SPPL3: variants seen among roughly 807,000 people sequenced by gnomAD.
The protein encoded by SPPL3 is signal peptide peptidase like 3.
A neutral mutation model predicts 42.4 loss-of-function variants in SPPL3; 5 were observed. The observed-to-expected ratio is 0.12, with a 90% CI of 0.06 to 0.25. SPPL3 has a LOEUF of 0.25. Ranked by LOEUF, SPPL3 falls within the 10% of genes least tolerant of loss-of-function variation. The pLI, the probability that SPPL3 is intolerant of heterozygous loss-of-function variation, is 1.00. For synonymous variants in SPPL3, 195 were observed against 181.8 expected (o/e 1.07, Z -0.58); for missense variants, 235 against 489.0 (o/e 0.48, Z 4.90).
Position 120,768,619 on chromosome 12 carries a change from T to C in SPPL3, c.610-131A>G, listed in dbSNP as rs147694198. ...CAATGCTTTCGTTGACTGTATGATTTGAGAAAATCTTTGCTCTTCCTGTGT... is the reference window on the plus strand; with the variant it reads ...CAATGCTTTCGTTGACTGTATGATTCGAGAAAATCTTTGCTCTTCCTGTGT... On this transcript the variant is annotated intron_variant, in intron 7 of 10. Coordinates refer to ENST00000353487, the MANE Select transcript of SPPL3 (RefSeq NM_139015.5). 443 of 1,096,382 alleles carry C rather than the reference T, an allele frequency of 4.0e-4. 3 individuals carry two copies. The African/African-American group carries it at 6.5e-3, about 16-fold the overall frequency. 67.9% of individuals were successfully genotyped at this position (1,096,382 alleles called of 1,614,324 possible). A position where few individuals can be genotyped will look rare whatever the true frequency, so the allele number is the denominator to read the frequency against.
intron 1 of SPPL3, among the ~76,000 whole-genome samples, chr12:120,827,992 T>C (rs1426736115): frequency 6.6e-6 from 1 of 152,212 alleles, no homozygotes; most frequent in Non-Finnish European, 1.5e-5. Flanking sequence ...TTTGCCATGT[T>C]GGCCAGGCTG....
chr12:120,886,298 C>G (rs528569195), intron 1 of SPPL3, among the ~76,000 whole-genome samples: 39 of 152,268 alleles, frequency 2.6e-4, no homozygotes, highest in Admixed American at 4.6e-4. Flanking sequence ...GTCTCTAACA[C>G]TATAAACTTC....
At chr12:120,883,768 A>T (rs1298325774) in intron 1 of SPPL3, among the ~76,000 whole-genome samples, 4 of 152,234 alleles carry the variant, frequency 2.6e-5, no homozygotes, top group Non-Finnish European at 5.9e-5. Context: ...AAACTTATTT[A>T]AAAAAGCAAA....
chr12:120,839,382 T>G, intron 1 of SPPL3, among the ~76,000 whole-genome samples: 1 of 135,334 alleles, frequency 7.4e-6, no homozygotes, highest in African/African-American at 2.7e-5. Context: ...GGGGGAGGGA[T>G]AGCATTAGGA....
chr12:120,880,948 C>T (rs78119632), intron 1 of SPPL3, among the ~76,000 whole-genome samples: 2 of 150,948 alleles, frequency 1.3e-5, no homozygotes, highest in African/African-American at 4.9e-5. Context: ...GGTCAATAAA[C>T]GTGAACAGAT....
At chr12:120,782,434 A>G (rs762853553) in intron 6 of SPPL3, among the ~76,000 whole-genome samples, 12 of 152,228 alleles carry the variant, frequency 7.9e-5, no homozygotes, top group Admixed American at 7.2e-4. Flanking sequence ...GAAAATGTCC[A>G]GAATGGAGAA....
chr12:120,896,600 C>A (rs1011337448), intron 1 of SPPL3, among the ~76,000 whole-genome samples: 2 of 152,028 alleles, frequency 1.3e-5, no homozygotes, highest in African/African-American at 4.8e-5. Flanking sequence ...ATGGTGAAAT[C>A]CTGTCTCTAC....
intron 1 of SPPL3, among the ~76,000 whole-genome samples, chr12:120,899,011 A>G (rs1873891619): frequency 6.6e-6 from 1 of 152,230 alleles, no homozygotes; most frequent in Non-Finnish European, 1.5e-5. Context: ...CGTTTCTCAC[A>G]GAACTTACAC....
At chr12:120,885,849 CTT>C (rs142907503) in intron 1 of SPPL3, among the ~76,000 whole-genome samples, 10,129 of 121,274 alleles carry the variant, frequency 0.084, 375 homozygotes, top group East Asian at 0.26. Context: ...AACATTAAAA[CTT>C]TTTTTTTTTT....
chr12:120,784,299 A>T (rs1057200034), intron 4 of SPPL3, 175 bp downstream of exon 4: 4 of 529,386 alleles, frequency 7.6e-6, no homozygotes, highest in African/African-American at 5.9e-5. Flanking sequence ...GTGGATCAAG[A>T]GGTTCAAGGA....
intron 1 of SPPL3, among the ~76,000 whole-genome samples, chr12:120,827,363 TATAATA>T (rs1293037168): frequency 1.1e-4 from 16 of 147,266 alleles, no homozygotes; most frequent in African/African-American, 2.2e-4. Flanking sequence ...AATATAATAA[TATAATA>T]ATAATAACAA....
intron 2 of SPPL3, chr12:120,792,010 C>A: frequency 5.7e-6 from 1 of 174,610 alleles, no homozygotes; most frequent in Non-Finnish European, 1.2e-5. Context: ...TGAGTGTCTT[C>A]TATATCTGGA....
chr12:120,787,232 T>A (rs369618244), intron 3 of SPPL3, among the ~76,000 whole-genome samples: 1 of 152,230 alleles, frequency 6.6e-6, no homozygotes, highest in East Asian at 1.9e-4. Context: ...AAGATTAAGA[T>A]GTATACCTCT....
chr12:120,785,602 T>G (rs185552427), intron 3 of SPPL3, among the ~76,000 whole-genome samples: 24 of 152,060 alleles, frequency 1.6e-4, no homozygotes, highest in African/African-American at 5.8e-4. Flanking sequence ...ACTTCCAAAT[T>G]AACTCTATTG....
intron 6 of SPPL3, among the ~76,000 whole-genome samples, chr12:120,781,466 A>G (rs1592959016): frequency 2.3e-5 from 3 of 132,692 alleles, no homozygotes; most frequent in African/African-American, 8.0e-5. Flanking sequence ...GGTTATATAT[A>G]ACATGTTATA....
At chr12:120,804,091 T>G (rs548530168) in intron 2 of SPPL3, among the ~76,000 whole-genome samples, 143 of 152,264 alleles carry the variant, frequency 9.4e-4, no homozygotes, top group Middle Eastern at 6.8e-3. Context: ...AGAGTAGGTT[T>G]GGGTATACGT....
chr12:120,773,809 G>T (rs1408543297), intron 6 of SPPL3, among the ~76,000 whole-genome samples: 3 of 152,176 alleles, frequency 2.0e-5, no homozygotes, highest in African/African-American at 7.2e-5. Flanking sequence ...TCACCATATT[G>T]GTCAGGCTGG....
chr12:120,818,662 C>T (rs1870957155), intron 1 of SPPL3, among the ~76,000 whole-genome samples: 1 of 152,214 alleles, frequency 6.6e-6, no homozygotes, highest in African/African-American at 2.4e-5. Flanking sequence ...CAAGCAACTA[C>T]TATTCTAACA....
intron 1 of SPPL3, among the ~76,000 whole-genome samples, chr12:120,882,504 T>C (rs551330905): frequency 1.3e-5 from 2 of 152,200 alleles, no homozygotes; most frequent in African/African-American, 4.8e-5. Context: ...TCTAGAAAGA[T>C]AGAAAGAAAA....
Sources: gnomAD v4.1 joint callset for allele counts (sites outside exome capture counted in the v4.1 genomes callset) on GRCh38, gnomAD v4.1.1 for gene constraint, MANE v1.5 for transcripts, NCBI Gene and HGNC (gene_info 2026-07-23, HGNC 2026-07-21) for gene names.